The following FGF12 variants were observed in gnomAD, a reference collection of about 807,000 sequenced individuals.
FGF12 encodes the protein fibroblast growth factor 12, also known as fibroblast growth factor 12B.
FGF12 carries 14 observed loss-of-function variants against 23.6 expected under a neutral mutation model. The ratio of observed to expected loss-of-function variants is 0.59; its 90% CI spans 0.39 to 0.93. FGF12 has a LOEUF of 0.93. Ranked by LOEUF, FGF12 falls within the 40% of genes least tolerant of loss-of-function variation. FGF12 has a pLI of 0.00. For missense variants in FGF12, 175 were observed against 217.8 expected (o/e 0.80, Z 1.24); for synonymous variants, 62 against 77.3 (o/e 0.80, Z 1.04).
At chr3:192,374,672 C>T (rs1167170558) in intron 2 of FGF12, among the ~76,000 whole-genome samples, 2 of 152,132 alleles carry the variant, frequency 1.3e-5, no homozygotes, top group African/African-American at 4.8e-5. Flanking sequence ...TTTGCATTAG[C>T]TCTATGAAGT....
intron 4 of FGF12, among the ~76,000 whole-genome samples, chr3:192,252,987 G>A (rs774233062): frequency 2.6e-5 from 4 of 152,138 alleles, no homozygotes; most frequent in Admixed American, 6.5e-5. Context: ...GAATAAAACT[G>A]TTGAAATGCA....
intron 4 of FGF12, among the ~76,000 whole-genome samples, chr3:192,279,513 G>C (rs1714018198): frequency 6.6e-6 from 1 of 152,124 alleles, no homozygotes; most frequent in Non-Finnish European, 1.5e-5. Flanking sequence ...GAGGCATAGA[G>C]ATACTAAAGT....
chr3:192,534,826 G>A (rs1226311547), intron 2 of FGF12, among the ~76,000 whole-genome samples: 1 of 152,072 alleles, frequency 6.6e-6, no homozygotes, highest in Non-Finnish European at 1.5e-5. Context: ...ACCGATTTTA[G>A]AACTATTTAA....
chr3:192,348,971 T>C (rs770534313), intron 3 of FGF12, among the ~76,000 whole-genome samples: 2 of 152,192 alleles, frequency 1.3e-5, no homozygotes, highest in Non-Finnish European at 2.9e-5. Flanking sequence ...CCCCAAGTCA[T>C]AGATTAAGAA....
At chr3:192,200,764 A>G (rs1717326168) in intron 4 of FGF12, among the ~76,000 whole-genome samples, 1 of 152,222 alleles carries the variant, frequency 6.6e-6, no homozygotes, top group Admixed American at 6.5e-5. Context: ...GACTCTTTAC[A>G]GCACCATAGA....
At position 192,336,132 on chromosome 3, in the gene FGF12, CACACAT is replaced by C. The variant is rs982877759; in HGVS notation, c.125-674_125-669del. Among the ~76,000 whole-genome samples the C allele has an allele frequency of 3.3e-5, 5 of 150,728 alleles. No individual in the cohort carries two copies. The highest frequency in any genetic ancestry group is 1.2e-4 in the African/African-American group (5 of 40,868). On this transcript the variant is annotated intron_variant, in intron 3 of 5. Transcript: ENST00000445105. The surrounding 1 kb of genome is among the most constrained non-coding windows in gnomAD (Gnocchi z 4.3). ...ATACACACACACACACACACACACA[CACACAT>C]ATACACACATATATACATACTATAT...
At chr3:192,225,321 C>T (rs1033691696) in intron 4 of FGF12, among the ~76,000 whole-genome samples, 5 of 152,214 alleles carry the variant, frequency 3.3e-5, no homozygotes, top group East Asian at 1.9e-4. Context: ...TCATTCTCTG[C>T]CCCACCATCC....
intron 4 of FGF12, among the ~76,000 whole-genome samples, chr3:192,195,318 G>A (rs1345019029): frequency 6.6e-6 from 1 of 152,162 alleles, no homozygotes; most frequent in Non-Finnish European, 1.5e-5. Context: ...GACAGATACA[G>A]TTATACGTAT....
In FGF12 at chr3:192,143,945, A is replaced by G. The variant is rs374756136; in HGVS notation, c.*64T>C. ...CCTTGGGTGGATTTACTGGAAGGAAATGGGTAAATGGGAAGGAAGGGAAGG... is the reference window on the plus strand; with the variant it reads ...CCTTGGGTGGATTTACTGGAAGGAAGTGGGTAAATGGGAAGGAAGGGAAGG... On this transcript the variant is annotated 3_prime_UTR_variant, in exon 6 of 6. Coordinates refer to ENST00000445105, the MANE Select transcript of FGF12 (RefSeq NM_004113.6). 75 of 1,016,174 alleles carry G rather than the reference A, an allele frequency of 7.4e-5. No homozygotes were observed. Among genetic ancestry groups the G allele is most frequent in the Admixed American group, 2.9e-4 (16 of 54,978 alleles). 62.9% of individuals were successfully genotyped at this position (1,016,174 alleles called of 1,614,324 possible). A position where few individuals can be genotyped will look rare whatever the true frequency, so the allele number is the denominator to read the frequency against.
chr3:192,426,790 A>C (rs1475047299), intron 2 of FGF12, among the ~76,000 whole-genome samples: 1 of 152,212 alleles, frequency 6.6e-6, no homozygotes, highest in African/African-American at 2.4e-5. Context: ...GATTTAAAAG[A>C]ACCAAATGTC....
intron 2 of FGF12, among the ~76,000 whole-genome samples, chr3:192,712,884 A>C (rs1364526197): frequency 6.6e-6 from 1 of 152,168 alleles, no homozygotes; most frequent in Non-Finnish European, 1.5e-5. Context: ...AAAGCAATGC[A>C]CAGAAAAAGG....
At chr3:192,574,524 A>T (rs1270796178) in intron 2 of FGF12, among the ~76,000 whole-genome samples, 5 of 152,292 alleles carry the variant, frequency 3.3e-5, no homozygotes, top group Middle Eastern at 3.4e-3. Context: ...ATGTCGTCCT[A>T]CTCAAAAATG....
At chr3:192,195,726 A>ATATG (rs1018216810) in intron 4 of FGF12, among the ~76,000 whole-genome samples, 2 of 152,190 alleles carry the variant, frequency 1.3e-5, no homozygotes, top group African/African-American at 2.4e-5. Context: ...GTGTGTATAT[A>ATATG]TATGTATGTA....
chr3:192,613,470 T>C (rs1355307264), intron 2 of FGF12, among the ~76,000 whole-genome samples: 1 of 151,922 alleles, frequency 6.6e-6, no homozygotes, highest in African/African-American at 2.4e-5. Flanking sequence ...AGGACTTACT[T>C]CATTTACCTT....
At chr3:192,593,594 T>C (rs944973181) in intron 2 of FGF12, among the ~76,000 whole-genome samples, 4 of 151,946 alleles carry the variant, frequency 2.6e-5, no homozygotes, top group African/African-American at 9.7e-5. Context: ...AACTCTAAAT[T>C]GGGAGTTCAC....
chr3:192,247,794 A>T (rs1389546708), intron 4 of FGF12, among the ~76,000 whole-genome samples: 1 of 152,166 alleles, frequency 6.6e-6, no homozygotes, highest in Non-Finnish European at 1.5e-5. Context: ...GTGAGGTAGA[A>T]TTTTGCTCTA....
intron 2 of FGF12, among the ~76,000 whole-genome samples, chr3:192,486,127 A>G (rs1297043848): frequency 1.3e-5 from 2 of 152,090 alleles, no homozygotes; most frequent in Non-Finnish European, 2.9e-5. Context: ...AAACCAACAC[A>G]TCCAGGACAT....
chr3:192,343,288 G>C (rs1717788508), intron 3 of FGF12, among the ~76,000 whole-genome samples: 6 of 152,136 alleles, frequency 3.9e-5, no homozygotes, highest in Admixed American at 3.9e-4. Flanking sequence ...TTCAATGTTA[G>C]ATTTCCTTGA....
chr3:192,658,175 G>A (rs1716517463), intron 2 of FGF12, among the ~76,000 whole-genome samples: 1 of 152,108 alleles, frequency 6.6e-6, no homozygotes, highest in African/African-American at 2.4e-5. Context: ...TAATCAATCA[G>A]TCCACTGTTT....
Sources: allele counts gnomAD v4.1 joint callset (sites outside exome capture counted in the v4.1 genomes callset), GRCh38; gene constraint gnomAD v4.1.1; non-coding constraint Gnocchi (gnomAD v3.1); transcripts MANE v1.5; gene names NCBI Gene and HGNC (gene_info 2026-07-23, HGNC 2026-07-21).